The following FMN1 variants were observed in gnomAD, a reference collection of about 807,000 sequenced individuals.
FMN1 encodes formin-1.
In FMN1, 110 loss-of-function variants were observed where a neutral mutation model predicts 132.4. The ratio of observed to expected loss-of-function variants is 0.83; its 90% CI spans 0.71 to 0.97. FMN1 has a LOEUF of 0.97. FMN1 is among the 50% of genes least tolerant of loss of function. FMN1 has a pLI of 0.00. For synonymous variants in FMN1, 722 were observed against 651.7 expected (o/e 1.11, Z -1.64); for missense variants, 1,792 against 1,705.3 (o/e 1.05, Z -0.90).
intron 15 of FMN1, among the ~76,000 whole-genome samples, chr15:32,894,549 A>C (rs2141545348): frequency 6.6e-6 from 1 of 152,176 alleles, no homozygotes; most frequent in Admixed American, 6.5e-5. Context: ...TGCCAAGATA[A>C]TAGGTAATTC....
At chr15:33,175,335 C>T (rs1355783031) in intron 3 of FMN1, among the ~76,000 whole-genome samples, 1 of 152,134 alleles carries the variant, frequency 6.6e-6, no homozygotes, top group Non-Finnish European at 1.5e-5. Context: ...TCCCAAAGTG[C>T]TAGGATTACA....
intron 9 of FMN1, among the ~76,000 whole-genome samples, chr15:32,934,185 T>A (rs918996646): frequency 5.4e-4 from 82 of 152,290 alleles, no homozygotes; most frequent in African/African-American, 1.8e-3. Context: ...TTTATAGGTA[T>A]AATAATCTAT....
intron 17 of FMN1, among the ~76,000 whole-genome samples, chr15:32,842,052 C>T (rs555238053): frequency 5.9e-5 from 9 of 152,280 alleles, no homozygotes; most frequent in Admixed American, 2.6e-4. Flanking sequence ...TCTAGTTGAA[C>T]GGTGGCGTCT....
intron 9 of FMN1, among the ~76,000 whole-genome samples, chr15:32,937,360 G>A (rs945051131): frequency 1.3e-5 from 2 of 152,162 alleles, no homozygotes; most frequent in South Asian, 2.1e-4. Context: ...GCCAGAAAGG[G>A]AGTCAGATGA....
At chr15:32,954,000 T>C in intron 9 of FMN1, among the ~76,000 whole-genome samples, 1 of 152,186 alleles carries the variant, frequency 6.6e-6, no homozygotes, top group Non-Finnish European at 1.5e-5. Flanking sequence ...GGAAAGCATA[T>C]TTGCAAATTT....
intron 7 of FMN1, among the ~76,000 whole-genome samples, chr15:32,997,382 T>G (rs138818173): frequency 3.3e-5 from 5 of 152,058 alleles, no homozygotes; most frequent in Non-Finnish European, 7.4e-5. Context: ...TCCTACCTTG[T>G]ACAGGTCTTT....
chr15:33,085,449 G>A (rs1480477338), intron 5 of FMN1, among the ~76,000 whole-genome samples: 1 of 151,574 alleles, frequency 6.6e-6, no homozygotes, highest in Non-Finnish European at 1.5e-5. Flanking sequence ...TTATAATTCT[G>A]ATTAATGAAA....
intron 10 of FMN1, among the ~76,000 whole-genome samples, chr15:32,922,422 T>C (rs977282611): frequency 3.9e-5 from 6 of 152,292 alleles, no homozygotes; most frequent in Middle Eastern, 3.4e-3. Flanking sequence ...TTAATCACCA[T>C]AGAAATTCCT....
At chr15:32,879,331 G>A (rs1377509738) in intron 16 of FMN1, among the ~76,000 whole-genome samples, 2 of 152,094 alleles carry the variant, frequency 1.3e-5, no homozygotes, top group African/African-American at 2.4e-5. Flanking sequence ...ATCCAGTCTC[G>A]TACCAGAGCT....
chr15:33,077,526 C>T (rs927933835), intron 5 of FMN1, among the ~76,000 whole-genome samples: 4 of 151,756 alleles, frequency 2.6e-5, no homozygotes, highest in African/African-American at 9.7e-5. Context: ...CCCCTGACTC[C>T]ACAACAGGCC....
chr15:32,950,036 C>T (rs867742780), intron 9 of FMN1, among the ~76,000 whole-genome samples: 4 of 5,458 alleles, frequency 7.3e-4, no homozygotes, highest in African/African-American at 1.9e-3. Flanking sequence ...TATATATACA[C>T]ATATATATAT....
chr15:33,127,724 C>T (rs759036475), intron 4 of FMN1, among the ~76,000 whole-genome samples: 16 of 152,158 alleles, frequency 1.1e-4, no homozygotes, highest in Admixed American at 2.6e-4. Flanking sequence ...TGGTTTCAGG[C>T]AGGTTATATT....
chr15:33,080,666 C>T (rs1402082803), intron 5 of FMN1, among the ~76,000 whole-genome samples: 2 of 151,992 alleles, frequency 1.3e-5, no homozygotes, highest in Non-Finnish European at 2.9e-5. Flanking sequence ...GTGGGCGGAT[C>T]ACCTGAGGTT....
chr15:33,135,884 G>A (rs1963744771), intron 4 of FMN1, among the ~76,000 whole-genome samples: 1 of 152,184 alleles, frequency 6.6e-6, no homozygotes, highest in Admixed American at 6.5e-5. Flanking sequence ...GGCTGATTAT[G>A]TTTTGGTCTT....
Position 33,088,937 on chromosome 15 carries a change from A to G in FMN1, c.1905T>C (p.Asn635=), listed in dbSNP as rs2038804554. ...SSEGFPWDGF[N]EQTPKDLPNR... is the part of the protein sequence containing the mutation. ...TGGGAAGGTCTTTAGGTGTCTGCTC[A>G]TTGAAGCCGTCCCAGGGAAAGCCCT... The change falls in exon 5 of 21, where the codon AAT becomes AAC. Residue 635 remains asparagine (N), a synonymous_variant. Coordinates refer to ENST00000616417, the MANE Select transcript of FMN1 (RefSeq NM_001277313.2). 6.5e-7 allele frequency: 1 copy of G among 1,535,964 alleles called. No individual in the cohort carries two copies.
chr15:33,026,512 C>T (rs955694890), intron 6 of FMN1, among the ~76,000 whole-genome samples: 19 of 151,846 alleles, frequency 1.3e-4, no homozygotes, highest in African/African-American at 4.4e-4. Context: ...AGAATGTACA[C>T]TCAAACAATA....
At chr15:32,898,968 C>G in intron 14 of FMN1, 75 bp from the exon 15 acceptor site, 1 of 1,016,556 alleles carries the variant, frequency 9.8e-7, no homozygotes, top group South Asian at 1.4e-5. Flanking sequence ...GAGGTGAAAT[C>G]TCAGTTGAGA....
intron 9 of FMN1, among the ~76,000 whole-genome samples, chr15:32,935,744 C>A (rs191902990): frequency 5.8e-4 from 89 of 152,186 alleles, no homozygotes; most frequent in African/African-American, 2.1e-3. Context: ...TCGCCTGCCT[C>A]AGCCTGCTGA....
At chr15:32,898,752 T>TCATC in intron 15 of FMN1, 82 bp downstream of exon 15, 1 of 895,298 alleles carries the variant, frequency 1.1e-6, no homozygotes, top group South Asian at 1.5e-5. Flanking sequence ...TGCAGTTCGT[T>TCATC]CATCCATCTA....
Sources: gnomAD v4.1 joint callset for allele counts (sites outside exome capture counted in the v4.1 genomes callset) on GRCh38, gnomAD v4.1.1 for gene constraint, MANE v1.5 for transcripts, NCBI Gene and HGNC (gene_info 2026-07-23, HGNC 2026-07-21) for gene names.